CACNA1E: variants seen among roughly 807,000 people sequenced by gnomAD.
CACNA1E encodes calcium voltage-gated channel subunit alpha1 E.
In CACNA1E, 40 loss-of-function variants were observed where a neutral mutation model predicts 259.2. The ratio of observed to expected loss-of-function variants is 0.15; its 90% CI spans 0.12 to 0.20. The LOEUF is 0.20. Ranked by LOEUF, CACNA1E falls within the 10% of genes least tolerant of loss-of-function variation. The pLI is 1.00. For synonymous variants in CACNA1E, 1,104 were observed against 1,138.5 expected (o/e 0.97, Z 0.61); for missense variants, 1,874 against 3,040.1 (o/e 0.62, Z 9.02).
At chr1:181,341,100 C>T (rs1229304948) in intron 1 of CACNA1E, among the ~76,000 whole-genome samples, 8 of 152,286 alleles carry the variant, frequency 5.3e-5, no homozygotes, top group East Asian at 3.9e-4. Flanking sequence ...GTTACTCCCG[C>T]GTCCTGATGG....
At chr1:181,749,183 G>A (rs1028371823) in intron 25 of CACNA1E, among the ~76,000 whole-genome samples, 4 of 152,124 alleles carry the variant, frequency 2.6e-5, no homozygotes, top group South Asian at 2.1e-4. Flanking sequence ...TTTGCCATAC[G>A]TTGGCAAAAA....
At chr1:181,586,085 G>A (rs564720831) in intron 6 of CACNA1E, among the ~76,000 whole-genome samples, 9 of 152,326 alleles carry the variant, frequency 5.9e-5, no homozygotes, top group South Asian at 2.1e-4. Flanking sequence ...AGGTAGCAGC[G>A]GAGGAGGTGA....
intron 27 of CACNA1E, among the ~76,000 whole-genome samples, chr1:181,753,858 T>C (rs1657815947): frequency 6.6e-6 from 1 of 152,200 alleles, no homozygotes; most frequent in African/African-American, 2.4e-5. Context: ...GAGGCCCCGA[T>C]GTGACTGAAA....
At chr1:181,445,831 G>C (rs1660757505) in intron 2 of CACNA1E, among the ~76,000 whole-genome samples, 1 of 152,200 alleles carries the variant, frequency 6.6e-6, no homozygotes, top group Non-Finnish European at 1.5e-5. Flanking sequence ...CATCAGTATG[G>C]GGAGAGCATC....
Position 181,719,762 on chromosome 1 carries a change from C to G in CACNA1E, c.1650C>G (p.Gly550=). ...FNCFDFGVTV[G]SIFEVVWAIF... is the part of the protein sequence containing the mutation. ...CATTGCCTCTCTAGGTCACAGTGGG[C>G]AGTATCTTTGAAGTGGTCTGGGCAA... Residue 550 remains glycine (G), a synonymous_variant, in exon 13 of 48, where the codon GGC becomes GGG. Coordinates refer to ENST00000367573, the MANE Select transcript of CACNA1E (RefSeq NM_001205293.3). 4 of 1,593,754 alleles carry G rather than the reference C, an allele frequency of 2.5e-6. No individual in the cohort carries two copies. Among genetic ancestry groups the G allele is most frequent in the Non-Finnish European group, 3.4e-6 (4 of 1,167,354 alleles).
At chr1:181,715,822 G>C (rs529198690) in intron 9 of CACNA1E, among the ~76,000 whole-genome samples, 1 of 152,352 alleles carries the variant, frequency 6.6e-6, no homozygotes, top group South Asian at 2.1e-4. Flanking sequence ...ATGGCTTCCA[G>C]AGCTCTTGTG....
At chr1:181,374,411 CT>C (rs1391055703) in intron 1 of CACNA1E, among the ~76,000 whole-genome samples, 3 of 150,258 alleles carry the variant, frequency 2.0e-5, no homozygotes, top group African/African-American at 7.4e-5. Flanking sequence ...GGAAATTCAA[CT>C]TTGAATTGAT....
intron 37 of CACNA1E, among the ~76,000 whole-genome samples, chr1:181,774,978 A>C (rs1659847603): frequency 6.6e-6 from 1 of 152,184 alleles, no homozygotes; most frequent in Non-Finnish European, 1.5e-5. Context: ...TGGGGCTCAG[A>C]TGATATCACC....
chr1:181,472,478 G>C (rs548941271), intron 2 of CACNA1E, among the ~76,000 whole-genome samples: 4 of 152,310 alleles, frequency 2.6e-5, no homozygotes, highest in Admixed American at 2.6e-4. Flanking sequence ...ATAACATCCT[G>C]TTGTAAATCT....
intron 1 of CACNA1E, among the ~76,000 whole-genome samples, chr1:181,368,095 G>A (rs929037280): frequency 7.9e-5 from 12 of 152,120 alleles, no homozygotes; most frequent in African/African-American, 2.9e-4. Context: ...GCTGGGTGTG[G>A]TGGTGCACAC....
intron 1 of CACNA1E, among the ~76,000 whole-genome samples, chr1:181,497,904 C>T (rs926315063): frequency 5.3e-5 from 8 of 152,208 alleles, no homozygotes; most frequent in Non-Finnish European, 1.2e-4. Flanking sequence ...GGACCTGAGA[C>T]ATCCTGGCCT....
intron 2 of CACNA1E, among the ~76,000 whole-genome samples, chr1:181,440,226 C>T (rs1422865114): frequency 6.6e-6 from 1 of 151,938 alleles, no homozygotes; most frequent in African/African-American, 2.4e-5. Flanking sequence ...TTGTCGTATG[C>T]TTCCATAGAA....
chr1:181,797,074 A>C (rs1026278022), intron 47 of CACNA1E, among the ~76,000 whole-genome samples: 3 of 152,210 alleles, frequency 2.0e-5, no homozygotes, highest in African/African-American at 4.8e-5. Context: ...TTTCCCCCAA[A>C]AAGATGGTGT....
At chr1:181,321,079 G>T (rs1557908239) in intron 1 of CACNA1E, among the ~76,000 whole-genome samples, 2 of 152,060 alleles carry the variant, frequency 1.3e-5, no homozygotes, top group Non-Finnish European at 2.9e-5. Context: ...AGAGAGAGAG[G>T]AGGGAGGCTC....
At chr1:181,641,390 TCTTAC>T (rs1657732630) in intron 6 of CACNA1E, among the ~76,000 whole-genome samples, 1 of 152,186 alleles carries the variant, frequency 6.6e-6, no homozygotes, top group South Asian at 2.1e-4. Context: ...ATCCTTCAGG[TCTTAC>T]CTTGCCTTGC....
intron 3 of CACNA1E, among the ~76,000 whole-genome samples, chr1:181,542,968 A>G (rs1201365223): frequency 1.3e-5 from 2 of 148,612 alleles, no homozygotes; most frequent in South Asian, 2.1e-4. Context: ...AAGAATATAA[A>G]CAAGTCTTAA....
At chr1:181,553,815 C>G (rs528929933) in intron 3 of CACNA1E, among the ~76,000 whole-genome samples, 1 of 152,020 alleles carries the variant, frequency 6.6e-6, no homozygotes, top group African/African-American at 2.4e-5. Flanking sequence ...TATTCATTTG[C>G]GTATGTTGAA....
rs563706254 is a variant in CACNA1E, at chr1:181,783,587, A to G, written c.5365-92A>G. On this transcript the variant is annotated intron_variant, in intron 39 of 47. Coordinates refer to ENST00000367573, the MANE Select transcript of CACNA1E (RefSeq NM_001205293.3). ...CCTTGCCCTTCTTTTTCGTCTGTGC[A>G]TTTGACCTCTACCCTTTTCTTCCTT... 1.4e-4 allele frequency: 96 copies of G among 704,506 alleles called. 1 individual carries two copies. In the Admixed American group the frequency reaches 2.0e-3, roughly 14 times the overall value. The allele number at this position is 704,506 out of a possible 1,614,324, so 43.6% of individuals were successfully genotyped here. A position where few individuals can be genotyped will look rare whatever the true frequency, so the allele number is the denominator to read the frequency against.
intron 1 of CACNA1E, among the ~76,000 whole-genome samples, chr1:181,338,998 C>A (rs1481886691): frequency 6.6e-6 from 1 of 151,526 alleles, no homozygotes; most frequent in Admixed American, 6.6e-5. Context: ...TTTCTAGGCT[C>A]TCTATTCTGT....
Sources: allele counts gnomAD v4.1 joint callset (sites outside exome capture counted in the v4.1 genomes callset), GRCh38; gene constraint gnomAD v4.1.1; transcripts MANE v1.5; gene names NCBI Gene and HGNC (gene_info 2026-07-23, HGNC 2026-07-21).